Variants in FREM1 observed in about 807,000 individuals in gnomAD.
FREM1 encodes FRAS1 related extracellular matrix 1.
In FREM1, 220 loss-of-function variants were observed where a neutral mutation model predicts 210.1. The ratio of observed to expected loss-of-function variants is 1.05; its 90% CI spans 0.94 to 1.17. FREM1 has a LOEUF of 1.17. Among genes scored for constraint, FREM1 ranks in the 50% most tolerant of loss-of-function variants. The pLI, the probability that FREM1 is intolerant of heterozygous loss-of-function variation, is 0.00. For missense variants in FREM1, 3,454 were observed against 2,675.5 expected (o/e 1.29, Z -6.42); for synonymous variants, 1,189 against 980.2 (o/e 1.21, Z -3.98).
chr9:14,786,668 C>T (rs1318503960), intron 23 of FREM1, among the ~76,000 whole-genome samples: 3 of 152,204 alleles, frequency 2.0e-5, no homozygotes, highest in Admixed American at 1.3e-4. Flanking sequence ...AATCCTCCAT[C>T]CCAAAATGTC....
At chr9:14,838,091 C>G (rs1824961156) in intron 10 of FREM1, among the ~76,000 whole-genome samples, 1 of 152,166 alleles carries the variant, frequency 6.6e-6, no homozygotes, top group African/African-American at 2.4e-5. Flanking sequence ...TTTTTTATGT[C>G]ATAGAAAAAG....
At chr9:14,871,898 C>A (rs560940805) in intron 1 of FREM1, among the ~76,000 whole-genome samples, 2 of 152,288 alleles carry the variant, frequency 1.3e-5, no homozygotes, top group East Asian at 3.9e-4. Flanking sequence ...CCAGTTTTCT[C>A]AGCACCATTC....
intron 3 of FREM1, among the ~76,000 whole-genome samples, chr9:14,862,852 T>G (rs1015401956): frequency 2.0e-5 from 3 of 152,196 alleles, no homozygotes; most frequent in African/African-American, 7.2e-5. Context: ...TTCCATTCCA[T>G]GAATATACCA....
intron 19 of FREM1, among the ~76,000 whole-genome samples, chr9:14,802,720 A>G (rs1817513454): frequency 6.6e-6 from 1 of 152,228 alleles, no homozygotes; most frequent in African/African-American, 2.4e-5. Flanking sequence ...TCTAAATAAT[A>G]AGAGTATATA....
chr9:14,902,609 C>T (rs1305675598), intron 1 of FREM1, among the ~76,000 whole-genome samples: 1 of 152,046 alleles, frequency 6.6e-6, no homozygotes, highest in Non-Finnish European at 1.5e-5. Context: ...AATGGTACAC[C>T]CAGTGCACTG....
chr9:14,886,826 G>A (rs1404622194), intron 1 of FREM1, among the ~76,000 whole-genome samples: 2 of 144,454 alleles, frequency 1.4e-5, no homozygotes, highest in South Asian at 2.3e-4. Flanking sequence ...TGAGCCTGGA[G>A]ATCGAGGTTG....
At chr9:14,870,594 T>C (rs58260202) in intron 1 of FREM1, among the ~76,000 whole-genome samples, 22 of 152,206 alleles carry the variant, frequency 1.4e-4, no homozygotes, top group Admixed American at 3.3e-4. Context: ...CTTTTATCAA[T>C]AGAAAAAATA....
At chr9:14,740,636 G>A (rs564454529) in intron 35 of FREM1, among the ~76,000 whole-genome samples, 2,609 of 152,236 alleles carry the variant, frequency 0.017, 83 homozygotes, top group African/African-American at 0.06. Context: ...TGATGAGTAA[G>A]TTAACCCAAA....
In FREM1 at chr9:14,797,615, T is replaced by C. The variant is rs747749588; in HGVS notation, c.3722A>G (p.Asp1241Gly). Residue 1241 changes from aspartate (D) to glycine (G), a missense_variant, in exon 21 of 37, where the codon GAC becomes GGC. By Grantham distance (94) the Asp-to-Gly change is moderately conservative. Coordinates refer to ENST00000380880, the MANE Select transcript of FREM1 (RefSeq NM_001379081.2). The part of the protein sequence containing the change: ...TGMRLTYMHD[D>G]SESLADDFTI... Reference sequence around the variant, plus strand: ...AAAATCATCAGCAAGGCTCTCTGAGTCATCATGCATGTACGTCAACCTCAT... The same window carrying C: ...AAAATCATCAGCAAGGCTCTCTGAGCCATCATGCATGTACGTCAACCTCAT... 2.5e-6 allele frequency: 4 copies of C among 1,611,156 alleles called. No individual in the cohort carries two copies. The Admixed American group carries it at 6.7e-5, about 27-fold the overall frequency.
At chr9:14,808,972 C>G (rs1046445345) in intron 16 of FREM1, among the ~76,000 whole-genome samples, 2 of 152,174 alleles carry the variant, frequency 1.3e-5, no homozygotes, top group African/African-American at 4.8e-5. Context: ...CTCAAGAAGG[C>G]AGTGATACGG....
At chr9:14,747,790 T>C (rs1842731214) in intron 31 of FREM1, 62 bp from the exon 32 acceptor site, 1 of 934,012 alleles carries the variant, frequency 1.1e-6, no homozygotes, top group East Asian at 2.8e-5. Context: ...AGCAATAGGG[T>C]AAAACCACCA....
chr9:14,825,533 A>ATG (rs1303372397), intron 10 of FREM1, among the ~76,000 whole-genome samples: 8 of 93,574 alleles, frequency 8.5e-5, no homozygotes, highest in South Asian at 4.3e-4. Flanking sequence ...ATATATATAT[A>ATG]TATGTGTGTG....
Position 14,756,424 on chromosome 9 carries a change from A to T in FREM1, c.5357T>A (p.Val1786Asp), listed in dbSNP as rs1390792437. The change falls in exon 29 of 37, where the codon GTT becomes GAT. Residue 1786 changes from valine to aspartate, a missense_variant. By Grantham distance (152) the Val-to-Asp change is radical. Coordinates refer to ENST00000380880, the MANE Select transcript of FREM1 (RefSeq NM_001379081.2). ...GIKVNQVSAA[V>D]GKDFTVIPSK... Reference sequence around the variant, plus strand: ...TGGAATCACGGTGAAATCTTTTCCAACTGCAGCTGACACTTGGTTGACCTT... The same window carrying T: ...TGGAATCACGGTGAAATCTTTTCCATCTGCAGCTGACACTTGGTTGACCTT... 3 of 1,600,312 alleles carry T rather than the reference A, an allele frequency of 1.9e-6. No homozygotes were observed. Among genetic ancestry groups the T allele is most frequent in the East Asian group, 4.5e-5 (2 of 44,444 alleles).
At position 14,816,742 on chromosome 9, in the gene FREM1, T is replaced by A. The variant is rs371968643; in HGVS notation, c.2640+36A>T. On this transcript the variant is annotated intron_variant, in intron 15 of 36. Transcript: ENST00000380880. ...TGTGTTATGGCAGCACAAAACAGAC[T>A]AAGACAATAACCCAGGGAAGAAACT... is the stretch of plus-strand genomic sequence containing the variant. 44 of 1,161,880 alleles carry A rather than the reference T, an allele frequency of 3.8e-5. No homozygotes were observed. The East Asian group carries it at 6.2e-4, about 16-fold the overall frequency. The allele number at this position is 1,161,880 out of a possible 1,614,324, so 72.0% of individuals were successfully genotyped here.
chr9:14,803,923 A>G (rs1410246677), intron 19 of FREM1, among the ~76,000 whole-genome samples: 3 of 152,194 alleles, frequency 2.0e-5, no homozygotes, highest in African/African-American at 7.2e-5. Context: ...TAATAAAGCA[A>G]CTTAAAATAT....
rs1564106940 is a variant in FREM1, at chr9:14,861,204, CACAT to C, written c.330-1724_330-1721del. On this transcript the variant is annotated intron_variant, in intron 3 of 36. Transcript: ENST00000380880. ...ATATACACATATATACATATATACA[CACAT>C]ATACATATATACACATATATACACA... Among the ~76,000 whole-genome samples the C allele has an allele frequency of 2.1e-3, 208 of 99,968 alleles. 2 individuals carry two copies. The highest frequency in any genetic ancestry group is 0.012 in the African/African-American group (202 of 16,394). The allele number at this position is 99,968 out of a possible 152,430, so 65.6% of individuals were successfully genotyped here. A position where few individuals can be genotyped will look rare whatever the true frequency, so the allele number is the denominator to read the frequency against.
chr9:14,823,268 A>G lies in FREM1; in HGVS notation c.2229T>C (p.His743=), dbSNP rs772525297. The G allele has an allele frequency of 6.2e-7, 1 of 1,613,830 alleles. No individual in the cohort carries two copies. Among genetic ancestry groups the G allele is most frequent in the African/African-American group, 1.3e-5 (1 of 74,934 alleles). Residue 743 remains histidine (H), a synonymous_variant, in exon 13 of 37, where the codon CAT becomes CAC. Coordinates refer to ENST00000380880, the MANE Select transcript of FREM1 (RefSeq NM_001379081.2). ...AAAATGTGAACTGGACATCTCTGCAATGGGGACCAATGTCTTGCATGGGGG... is the reference window on the plus strand; with the variant it reads ...AAAATGTGAACTGGACATCTCTGCAGTGGGGACCAATGTCTTGCATGGGGG... ...YMPPMQDIGP[H]CRDVQFTFSV...
At chr9:14,804,368 G>A (rs960476883) in intron 19 of FREM1, among the ~76,000 whole-genome samples, 1 of 152,088 alleles carries the variant, frequency 6.6e-6, no homozygotes, top group South Asian at 2.1e-4. Context: ...GGCGGATCAC[G>A]AGGTCAGGAG....
chr9:14,877,325 T>C (rs1208587161), intron 1 of FREM1, among the ~76,000 whole-genome samples: 1 of 151,912 alleles, frequency 6.6e-6, no homozygotes, highest in Non-Finnish European at 1.5e-5. Flanking sequence ...GAAGCCAAAA[T>C]TGAGCTCTCA....
Sources: gnomAD v4.1 joint callset for allele counts (sites outside exome capture counted in the v4.1 genomes callset) on GRCh38, gnomAD v4.1.1 for gene constraint, MANE v1.5 for transcripts, NCBI Gene and HGNC (gene_info 2026-07-23, HGNC 2026-07-21) for gene names.